ABCA12: variants seen among roughly 807,000 people sequenced by gnomAD.
ABCA12 encodes glucosylceramide transporter ABCA12.
In ABCA12, 156 loss-of-function variants were observed where a neutral mutation model predicts 293.5. The ratio of observed to expected loss-of-function variants is 0.53; its 90% CI spans 0.47 to 0.61. ABCA12 has a LOEUF of 0.61. ABCA12 is among the 20% of genes least tolerant of loss of function. ABCA12 has a pLI of 0.00. For synonymous variants in ABCA12, 1,063 were observed against 1,108.0 expected (o/e 0.96, Z 0.81); for missense variants, 2,797 against 3,090.2 (o/e 0.91, Z 2.25).
intron 3 of ABCA12, among the ~76,000 whole-genome samples, chr2:215,055,789 T>C (rs1701408669): frequency 6.6e-6 from 1 of 152,102 alleles, no homozygotes; most frequent in Non-Finnish European, 1.5e-5. Context: ...CTCCAAAAGT[T>C]CTGCATTCTT....
At position 214,989,190 on chromosome 2, in the gene ABCA12, A is replaced by ATG. The variant is rs1699856654; in HGVS notation, c.3829+138_3829+139insCA. 1.7e-5 allele frequency: 2 copies of ATG among 117,262 alleles called. 1 individual carries two copies. The highest frequency in any genetic ancestry group is 7.1e-5 in the African/African-American group (2 of 28,330). 7.3% of individuals were successfully genotyped at this position (117,262 alleles called of 1,614,324 possible). The stretch of plus-strand genomic sequence containing the variant: ...GGAGACTCCATCTCAATACATACAT[A>ATG]TATATATATATATATATATAATATT... On this transcript the variant is annotated intron_variant, in intron 26 of 52. Coordinates refer to ENST00000272895, the MANE Select transcript of ABCA12 (RefSeq NM_173076.3).
At chr2:214,938,876 G>C (rs996375584) in intron 50 of ABCA12, among the ~76,000 whole-genome samples, 9 of 152,118 alleles carry the variant, frequency 5.9e-5, no homozygotes, top group South Asian at 2.1e-4. Flanking sequence ...CAGATGGATA[G>C]ATTGCAAAAA....
chr2:215,131,255 T>C (rs1172435956), intron 1 of ABCA12, among the ~76,000 whole-genome samples: 4 of 152,024 alleles, frequency 2.6e-5, no homozygotes, highest in African/African-American at 4.8e-5. Context: ...TAGAATGAGA[T>C]GGGAAGGGAG....
At chr2:215,133,026 CTTT>C (rs2105919429) in intron 1 of ABCA12, among the ~76,000 whole-genome samples, 1 of 151,818 alleles carries the variant, frequency 6.6e-6, no homozygotes, top group African/African-American at 2.4e-5. Flanking sequence ...ATTTTTTCTT[CTTT>C]AAGGAGGCTA....
chr2:215,053,871 G>A (rs573828451), intron 4 of ABCA12, among the ~76,000 whole-genome samples: 23 of 152,034 alleles, frequency 1.5e-4, no homozygotes, highest in African/African-American at 4.3e-4. Flanking sequence ...GTGCTGTTTC[G>A]AGCGTTTATT....
chr2:214,938,971 A>T (rs1291319669), intron 50 of ABCA12, among the ~76,000 whole-genome samples: 3 of 151,650 alleles, frequency 2.0e-5, no homozygotes, highest in African/African-American at 7.3e-5. Flanking sequence ...ATTAGATCCC[A>T]TTTGTCTATT....
At chr2:215,006,274 T>C (rs1700250482) in intron 19 of ABCA12, among the ~76,000 whole-genome samples, 1 of 152,024 alleles carries the variant, frequency 6.6e-6, no homozygotes, top group Non-Finnish European at 1.5e-5. Context: ...TAGGAGAAAA[T>C]GGCAATGTGT....
At chr2:215,103,714 A>C (rs1702405954) in intron 2 of ABCA12, among the ~76,000 whole-genome samples, 1 of 152,208 alleles carries the variant, frequency 6.6e-6, no homozygotes, top group African/African-American at 2.4e-5. Flanking sequence ...TATAGAAAAT[A>C]ATGTCCAACA....
intron 2 of ABCA12, among the ~76,000 whole-genome samples, chr2:215,068,218 TG>T (rs1701671762): frequency 6.6e-6 from 1 of 152,180 alleles, no homozygotes; most frequent in South Asian, 2.1e-4. Context: ...ACTCTGGGGA[TG>T]GGGTTCATCA....
chr2:215,107,264 A>G (rs1280627790), intron 2 of ABCA12, among the ~76,000 whole-genome samples: 1 of 152,206 alleles, frequency 6.6e-6, no homozygotes, highest in Non-Finnish European at 1.5e-5. Flanking sequence ...CTTGCCGCAC[A>G]TTACAGCTTG....
At chr2:214,941,965 T>C (rs1698420389) in intron 50 of ABCA12, among the ~76,000 whole-genome samples, 1 of 152,206 alleles carries the variant, frequency 6.6e-6, no homozygotes, top group Non-Finnish European at 1.5e-5. Context: ...CATTTAAGGT[T>C]AATATTGTTA....
chr2:215,036,826 T>A (rs1286948347), intron 8 of ABCA12, 127 bp downstream of exon 8: 1 of 826,860 alleles, frequency 1.2e-6, no homozygotes, highest in African/African-American at 1.7e-5. Context: ...TCCAGATTTA[T>A]TCATAGCATA....
At position 215,049,635 on chromosome 2, in the gene ABCA12, C is replaced by G. The variant is rs1701277886; in HGVS notation, c.684G>C (p.Gln228His). ...AAAGATCTACACTCACCTGGGAGAA[C>G]TGTTTGTTTAGTTCTTGGAGAGAAG... The part of the protein sequence containing the change: ...LESSLQELNK[Q>H]FSQLSSDPNN... The change falls in exon 6 of 53, where the codon CAG becomes CAC. Residue 228 changes from glutamine to histidine, a missense_variant. By Grantham distance (24) the Gln-to-His change is conservative. Transcript: ENST00000272895. The G allele has an allele frequency of 1.9e-6, 3 of 1,613,228 alleles. No homozygotes were observed. The African/African-American group carries it at 4.0e-5, about 22-fold the overall frequency.
intron 45 of ABCA12, among the ~76,000 whole-genome samples, chr2:214,950,382 ATCTGTGTGTGTGTGTGTG>A (rs1359558330): frequency 1.6e-5 from 2 of 122,800 alleles, no homozygotes; most frequent in Non-Finnish European, 3.5e-5. Context: ...GTATATATAT[ATCTGTGTGTGTGTGTGTG>A]TGTGTGTGTG....
chr2:214,999,852 A>C, intron 22 of ABCA12: 2 of 983,154 alleles, frequency 2.0e-6, no homozygotes, highest in Non-Finnish European at 2.4e-6. Context: ...CTCTTGAAGT[A>C]GCCAAGGGAG....
chr2:215,064,688 TACACGCACACACACAC>T (rs1350717561), intron 2 of ABCA12, among the ~76,000 whole-genome samples: 2 of 128,578 alleles, frequency 1.6e-5, no homozygotes, highest in African/African-American at 6.4e-5. Flanking sequence ...AATCTTTTAA[TACACGCACACACACAC>T]ACACACACAC....
intron 48 of ABCA12, among the ~76,000 whole-genome samples, chr2:214,946,622 C>A (rs568164100): frequency 8.7e-4 from 132 of 152,176 alleles, no homozygotes; most frequent in African/African-American, 3.1e-3. Context: ...ATGACTTAAT[C>A]CCTGGAATAA....
intron 33 of ABCA12, among the ~76,000 whole-genome samples, chr2:214,976,619 C>T (rs1559125140): frequency 6.6e-6 from 1 of 152,088 alleles, no homozygotes; most frequent in Non-Finnish European, 1.5e-5. Context: ...TCTGGTTCAA[C>T]CACATATTTA....
intron 8 of ABCA12, among the ~76,000 whole-genome samples, chr2:215,034,013 A>T (rs1207067933): frequency 1.3e-5 from 2 of 152,216 alleles, no homozygotes; most frequent in Non-Finnish European, 2.9e-5. Context: ...TTGTATTCAC[A>T]GACACAGAAA....
Sources: allele counts gnomAD v4.1 joint callset (sites outside exome capture counted in the v4.1 genomes callset), GRCh38; gene constraint gnomAD v4.1.1; transcripts MANE v1.5; gene names NCBI Gene and HGNC (gene_info 2026-07-23, HGNC 2026-07-21).